The following CSMD1 variants were observed in gnomAD, a reference collection of about 807,000 sequenced individuals.
CSMD1 encodes CUB and sushi domain-containing protein 1.
In CSMD1, 213 loss-of-function variants were observed where a neutral mutation model predicts 417.5. The ratio of observed to expected loss-of-function variants is 0.51; its 90% confidence interval spans 0.46 to 0.57. CSMD1 has a LOEUF of 0.57. Ranked by LOEUF, CSMD1 falls within the 20% of genes least tolerant of loss-of-function variation. CSMD1 has a pLI of 0.00. For synonymous variants in CSMD1, 2,862 were observed against 1,736.8 expected, an observed-to-expected ratio of 1.65 and a Z score of -16.11; for missense variants, 6,923 against 4,529.7, an observed-to-expected ratio of 1.53 and a Z score of -15.17.
At chr8:3,538,426 G>C (rs1442225673) in intron 10 of CSMD1, among the ~76,000 whole-genome samples, 1 of 152,198 alleles carries the variant, frequency 6.6e-6, no homozygotes, top group African/African-American at 2.4e-5. Flanking sequence ...TGGTGCACTT[G>C]AGATGCCTCA....
At position 3,011,485 on chromosome 8, in the gene CSMD1, C is replaced by A. The variant is rs188740008; in HGVS notation, c.8029+6992G>T. Among the ~76,000 whole-genome samples, 503 of 152,304 alleles carry A rather than the reference C, an allele frequency of 3.3e-3. 1 individual carries two copies. The highest frequency in any genetic ancestry group is 0.011 in the African/African-American group (471 of 41,560). ...TTGACTATCTAAGAACTATGAATAA[C>A]TACAGTCTAAAAACAGTATTTTGAA... is the stretch of plus-strand genomic sequence containing the variant. On this transcript the variant is annotated intron_variant, in intron 52 of 69. Coordinates refer to ENST00000635120, the MANE Select transcript of CSMD1 (RefSeq NM_033225.6).
chr8:2,943,942 T>C (rs1459781280), intron 68 of CSMD1, among the ~76,000 whole-genome samples: 1 of 152,210 alleles, frequency 6.6e-6, no homozygotes, highest in Non-Finnish European at 1.5e-5. Context: ...CAATCAAATA[T>C]TAAAAATCTT....
chr8:4,093,111 G>A lies in CSMD1; in HGVS notation c.416-61012C>T, dbSNP rs529660648. Among the ~76,000 whole-genome samples the A allele has an allele frequency of 6.8e-4, 104 of 152,206 alleles. 1 individual carries two copies. The highest frequency in any genetic ancestry group is 2.4e-3 in the African/African-American group (99 of 41,558). On this transcript the variant is annotated intron_variant, in intron 3 of 69. Coordinates refer to ENST00000635120, the MANE Select transcript of CSMD1 (RefSeq NM_033225.6). ...ACATAATTAACTCAAAGGCCCTTGTGCCTAAAATCTCCAGCCATAAATTAT... is the reference window on the plus strand; with the variant it reads ...ACATAATTAACTCAAAGGCCCTTGTACCTAAAATCTCCAGCCATAAATTAT...
At chr8:3,693,825 G>A (rs776538699) in intron 7 of CSMD1, among the ~76,000 whole-genome samples, 5 of 151,186 alleles carry the variant, frequency 3.3e-5, no homozygotes, top group Admixed American at 2.6e-4. Flanking sequence ...GTTTGTTATG[G>A]TGTGTGTGTT....
In CSMD1 at chr8:4,027,934, G is replaced by C. The variant is rs539442555; in HGVS notation, c.610+3971C>G. Among the ~76,000 whole-genome samples, 7 of 152,224 alleles carry C rather than the reference G, an allele frequency of 4.6e-5. No individual in the cohort carries two copies. The South Asian group carries it at 1.5e-3, about 32-fold the overall frequency. ...TGAGAATGTAATGGAAATAATGGTAGAAATAAGGAAGAAGAAAGAATATAT... is the reference window on the plus strand; with the variant it reads ...TGAGAATGTAATGGAAATAATGGTACAAATAAGGAAGAAGAAAGAATATAT... On this transcript the variant is annotated intron_variant, in intron 4 of 69. Transcript: ENST00000635120.
intron 1 of CSMD1, among the ~76,000 whole-genome samples, chr8:4,955,858 G>C (rs986594668): frequency 3.4e-5 from 5 of 146,982 alleles, no homozygotes; most frequent in Non-Finnish European, 6.0e-5. Flanking sequence ...CTGCCAATCA[G>C]TATCTTTCCC....
chr8:4,320,136 G>C (rs1799185043), intron 3 of CSMD1, among the ~76,000 whole-genome samples: 1 of 152,198 alleles, frequency 6.6e-6, no homozygotes, highest in East Asian at 1.9e-4. Flanking sequence ...CTGTGTAACA[G>C]AACAAAGCAC....
chr8:3,316,512 G>A (rs1805772669), intron 23 of CSMD1, among the ~76,000 whole-genome samples: 1 of 137,576 alleles, frequency 7.3e-6, no homozygotes, highest in African/African-American at 2.8e-5. Context: ...ATTGGTAGCT[G>A]GAGGGGTTCA....
rs113608561 is a variant in CSMD1, at chr8:4,860,545, C to T, written c.85+133787G>A. 9.9e-3 allele frequency among the ~76,000 whole-genome samples: 1,512 copies of T among 152,152 alleles called. 40 individuals carry two copies. The highest frequency in any genetic ancestry group is 0.035 in the African/African-American group (1,443 of 41,458). On this transcript the variant is annotated intron_variant, in intron 1 of 69. Coordinates refer to ENST00000635120, the MANE Select transcript of CSMD1 (RefSeq NM_033225.6). ...GGCCTCGCTGGAACTTGAGCAGATG[C>T]TCGTGCCATGCTTTCTGTACAGCCT...
chr8:3,229,141 T>C (rs1467456765), intron 27 of CSMD1, among the ~76,000 whole-genome samples: 1 of 152,082 alleles, frequency 6.6e-6, no homozygotes, highest in East Asian at 1.9e-4. Context: ...TACACGACAA[T>C]AAAAACCAGT....
intron 12 of CSMD1, among the ~76,000 whole-genome samples, chr8:3,434,830 G>A (rs1214263489): frequency 6.6e-6 from 1 of 152,196 alleles, no homozygotes; most frequent in Non-Finnish European, 1.5e-5. Flanking sequence ...GAGTCAGAGT[G>A]CTGGCAGGAA....
chr8:3,407,158 G>C (rs572154410), intron 14 of CSMD1, among the ~76,000 whole-genome samples: 1 of 124,534 alleles, frequency 8.0e-6, no homozygotes, highest in East Asian at 2.1e-4. Flanking sequence ...TGGATGGATG[G>C]ACAGATGGAA....
At position 4,010,414 on chromosome 8, in the gene CSMD1, C is replaced by A. The variant is rs539908276; in HGVS notation, c.611-12304G>T. On this transcript the variant is annotated intron_variant, in intron 4 of 69. Transcript: ENST00000635120. ...CTTCACCTCTACCTCTGCACAAATT[C>A]TCGGTCATTTCAATGTCAACACAGG... Among the ~76,000 whole-genome samples the A allele has an allele frequency of 1.3e-3, 204 of 152,264 alleles. 1 individual carries two copies. The highest frequency in any genetic ancestry group is 4.7e-3 in the African/African-American group (197 of 41,524).
In CSMD1 at chr8:3,913,675, T is replaced by C. The variant is rs376528516; in HGVS notation, c.818+84228A>G. Reference sequence around the variant, plus strand: ...CATTTGGGTCAGGGCCATCGAAATATCAAGGATGCAAACTTTCAGGAAGTT... The same window carrying C: ...CATTTGGGTCAGGGCCATCGAAATACCAAGGATGCAAACTTTCAGGAAGTT... On this transcript the variant is annotated intron_variant, in intron 5 of 69. Transcript: ENST00000635120. Among the ~76,000 whole-genome samples, 4 of 152,224 alleles carry C rather than the reference T, an allele frequency of 2.6e-5. No individual in the cohort carries two copies. In the South Asian group the frequency reaches 8.3e-4, roughly 32 times the overall value.
chr8:3,310,007 G>A (rs1047675879), intron 23 of CSMD1, among the ~76,000 whole-genome samples: 2 of 152,106 alleles, frequency 1.3e-5, no homozygotes, highest in African/African-American at 4.8e-5. Context: ...CTATTTAAGA[G>A]ACACCAATAA....
chr8:3,544,730 C>G (rs895310683), intron 10 of CSMD1, among the ~76,000 whole-genome samples: 4 of 151,994 alleles, frequency 2.6e-5, no homozygotes, highest in Non-Finnish European at 5.9e-5. Context: ...TTCAGGGAGA[C>G]CAGGATGCTG....
chr8:4,491,410 C>G (rs571256587), intron 2 of CSMD1, among the ~76,000 whole-genome samples: 49 of 152,166 alleles, frequency 3.2e-4, no homozygotes, highest in South Asian at 6.2e-4. Flanking sequence ...TACAGTTAAC[C>G]TTACGCCCTA....
intron 3 of CSMD1, among the ~76,000 whole-genome samples, chr8:4,295,532 A>G (rs1396930940): frequency 1.4e-5 from 2 of 144,432 alleles, no homozygotes; most frequent in African/African-American, 2.5e-5. Context: ...TATATTACAT[A>G]TATTATAAAT....
At chr8:3,412,707 C>T (rs1315337152) in intron 12 of CSMD1, among the ~76,000 whole-genome samples, 2 of 152,164 alleles carry the variant, frequency 1.3e-5, no homozygotes, top group Non-Finnish European at 2.9e-5. Context: ...CAAAATGTTC[C>T]TAATGCAACA....
Sources: gnomAD v4.1 joint callset for allele counts (sites outside exome capture counted in the v4.1 genomes callset) on GRCh38, gnomAD v4.1.1 for gene constraint, MANE v1.5 for transcripts, NCBI Gene and HGNC (gene_info 2026-07-23, HGNC 2026-07-21) for gene names.